The following FCHSD2 variants were observed in gnomAD, a reference collection of about 807,000 sequenced individuals.
FCHSD2 encodes the protein F-BAR and double SH3 domains protein 2.
FCHSD2 carries 38 observed loss-of-function variants against 108.1 expected under a neutral mutation model. That is an observed-to-expected ratio of 0.35 (90% CI 0.27 to 0.46). FCHSD2 has a LOEUF of 0.46. Among genes scored for constraint, FCHSD2 ranks in the 20% least tolerant of loss-of-function variants. The pLI, the probability that FCHSD2 is intolerant of heterozygous loss-of-function variation, is 1.00. For missense variants in FCHSD2, 751 were observed against 897.8 expected (o/e 0.84, Z 2.09); for synonymous variants, 279 against 314.7 (o/e 0.89, Z 1.20).
intron 13 of FCHSD2, among the ~76,000 whole-genome samples, chr11:72,851,405 C>T (rs1418528319): frequency 6.6e-6 from 1 of 152,088 alleles, no homozygotes. Flanking sequence ...TTTGAATGCA[C>T]TCTGATGTAT....
intron 13 of FCHSD2, among the ~76,000 whole-genome samples, chr11:72,867,431 C>CAATTCTT: frequency 6.6e-6 from 1 of 152,316 alleles, no homozygotes; most frequent in Admixed American, 6.5e-5. Context: ...AAGTCACCTT[C>CAATTCTT]AGACTAAGCC....
intron 10 of FCHSD2, among the ~76,000 whole-genome samples, chr11:72,897,054 C>T (rs2135263812): frequency 6.6e-6 from 1 of 152,056 alleles, no homozygotes; most frequent in East Asian, 1.9e-4. Context: ...TCTCAATCTC[C>T]TGACCTCATG....
chr11:72,880,262 GA>G (rs899219821), intron 12 of FCHSD2, among the ~76,000 whole-genome samples: 3 of 151,044 alleles, frequency 2.0e-5, no homozygotes, highest in Admixed American at 6.6e-5. Context: ...CACAGAAATA[GA>G]AAAAAAAATC....
At chr11:72,852,641 G>A (rs1469735696) in intron 13 of FCHSD2, among the ~76,000 whole-genome samples, 2 of 151,816 alleles carry the variant, frequency 1.3e-5, no homozygotes, top group Non-Finnish European at 2.9e-5. Context: ...TGCAGCCTGG[G>A]CAACAGAGCA....
intron 13 of FCHSD2, among the ~76,000 whole-genome samples, chr11:72,857,288 C>T (rs1203761080): frequency 1.3e-5 from 2 of 152,176 alleles, no homozygotes; most frequent in African/African-American, 4.8e-5. Flanking sequence ...TTTCTTGACC[C>T]AGCATTTCTA....
intron 8 of FCHSD2, among the ~76,000 whole-genome samples, chr11:72,944,111 A>G (rs905806352): frequency 6.6e-6 from 1 of 152,174 alleles, no homozygotes. Context: ...GAGAATTTTA[A>G]AACAATATCC....
At position 73,108,250 on chromosome 11, in the gene FCHSD2, T is replaced by C. The variant is rs1347331293; in HGVS notation, c.120-24510A>G. 1.3e-5 allele frequency among the ~76,000 whole-genome samples: 2 copies of C among 152,250 alleles called. 1 individual carries two copies. The highest frequency in any genetic ancestry group is 2.9e-5 in the Non-Finnish European group (2 of 68,042). On this transcript the variant is annotated intron_variant, in intron 2 of 19. Coordinates refer to ENST00000409418, the MANE Select transcript of FCHSD2 (RefSeq NM_014824.3). Reference sequence around the variant, plus strand: ...ATCTTTTGCCCATTTCTTAATCAGATTATTAGATCTTTTCCTATGAAGTTG... The same window carrying C: ...ATCTTTTGCCCATTTCTTAATCAGACTATTAGATCTTTTCCTATGAAGTTG...
At chr11:72,987,378 CAAGT>C (rs1414135133) in intron 6 of FCHSD2, among the ~76,000 whole-genome samples, 1 of 152,140 alleles carries the variant, frequency 6.6e-6, no homozygotes, top group African/African-American at 2.4e-5. Flanking sequence ...ATTACTACTG[CAAGT>C]AAGTTATTAG....
At chr11:73,076,423 G>A (rs1216698997) in intron 3 of FCHSD2, among the ~76,000 whole-genome samples, 1 of 152,170 alleles carries the variant, frequency 6.6e-6, no homozygotes, top group Non-Finnish European at 1.5e-5. Flanking sequence ...TATCTGCTAA[G>A]CGAAAGAAGA....
intron 2 of FCHSD2, among the ~76,000 whole-genome samples, chr11:73,106,500 T>G (rs1860348479): frequency 6.6e-6 from 1 of 151,782 alleles, no homozygotes; most frequent in African/African-American, 2.4e-5. Flanking sequence ...AACCCTGAAG[T>G]GCAAACTGTT....
At chr11:72,904,666 A>G (rs1333142563) in intron 9 of FCHSD2, among the ~76,000 whole-genome samples, 7 of 152,234 alleles carry the variant, frequency 4.6e-5, no homozygotes, top group African/African-American at 1.7e-4. Flanking sequence ...CAAAGCAACA[A>G]GTTCTCAAAT....
At chr11:73,019,254 A>G (rs776438930) in intron 3 of FCHSD2, among the ~76,000 whole-genome samples, 59 of 152,214 alleles carry the variant, frequency 3.9e-4, no homozygotes, top group Non-Finnish European at 7.4e-5. Flanking sequence ...TTATGTAGGA[A>G]CAAATGAACT....
chr11:72,986,540 T>C (rs1857315927), intron 6 of FCHSD2, among the ~76,000 whole-genome samples: 1 of 152,208 alleles, frequency 6.6e-6, no homozygotes, highest in South Asian at 2.1e-4. Flanking sequence ...ATCATATTCC[T>C]GTTTATTTTA....
intron 2 of FCHSD2, among the ~76,000 whole-genome samples, chr11:73,103,671 ATAT>A (rs1336995500): frequency 6.6e-6 from 1 of 152,226 alleles, no homozygotes; most frequent in African/African-American, 2.4e-5. Flanking sequence ...TAAAATACAG[ATAT>A]TATTACTGCC....
intron 2 of FCHSD2, among the ~76,000 whole-genome samples, chr11:73,092,568 T>C (rs976394469): frequency 2.0e-5 from 3 of 152,202 alleles, no homozygotes; most frequent in Non-Finnish European, 4.4e-5. Flanking sequence ...TGACTGAACA[T>C]TGTAAAAAGT....
At chr11:73,103,730 GAA>G (rs1456639612) in intron 2 of FCHSD2, among the ~76,000 whole-genome samples, 1 of 152,090 alleles carries the variant, frequency 6.6e-6, no homozygotes, top group Non-Finnish European at 1.5e-5. Context: ...TGCAAAAAAA[GAA>G]AAGAGGATTA....
intron 2 of FCHSD2, among the ~76,000 whole-genome samples, chr11:73,097,924 T>C (rs576651463): frequency 6.6e-6 from 1 of 152,332 alleles, no homozygotes; most frequent in South Asian, 2.1e-4. Context: ...TCCTCCTGCC[T>C]CGGCCTCCAA....
chr11:73,033,370 C>A (rs1343052150), intron 3 of FCHSD2, among the ~76,000 whole-genome samples: 1 of 151,466 alleles, frequency 6.6e-6, no homozygotes, highest in Non-Finnish European at 1.5e-5. Context: ...AGATGATATG[C>A]ACAGTATGGA....
At position 72,868,015 on chromosome 11, in the gene FCHSD2, C is replaced by T; in HGVS notation, c.1158G>A (p.Leu386=). 6.4e-7 allele frequency: 1 copy of T among 1,558,704 alleles called. No individual in the cohort carries two copies. Reference sequence around the variant, plus strand: ...GCAGGTCCAACCGGGCTTCAGCTTTCAATTTAATTATCTAGAGAACCAAGA... The same window carrying T: ...GCAGGTCCAACCGGGCTTCAGCTTTTAATTTAATTATCTAGAGAACCAAGA... The part of the protein sequence containing the change: ...ENIRKAEIIK[L]KAEARLDLLK... The change falls in exon 13 of 20, where the codon TTG becomes TTA. Residue 386 remains leucine, a synonymous_variant. Transcript: ENST00000409418.
Sources: gnomAD v4.1 joint callset for allele counts (sites outside exome capture counted in the v4.1 genomes callset) on GRCh38, gnomAD v4.1.1 for gene constraint, MANE v1.5 for transcripts, NCBI Gene and HGNC (gene_info 2026-07-23, HGNC 2026-07-21) for gene names.